AUTS2: variants seen among roughly 807,000 people sequenced by gnomAD.
AUTS2 encodes autism susceptibility gene 2 protein.
A neutral mutation model predicts 112.4 loss-of-function variants in AUTS2; 17 were observed. The ratio of observed to expected loss-of-function variants is 0.15; its 90% confidence interval spans 0.10 to 0.23. AUTS2 has a LOEUF of 0.23. Among genes scored for constraint, AUTS2 ranks in the 10% least tolerant of loss-of-function variants. The probability of loss-of-function intolerance (pLI) is 1.00; values close to 1 mark genes in which losing one functional copy is unlikely to be tolerated. For missense variants in AUTS2, 1,510 were observed against 1,701.6 expected, an observed-to-expected ratio of 0.89 and a Z score of 1.98; for synonymous variants, 751 against 702.7, an observed-to-expected ratio of 1.07 and a Z score of -1.09.
chr7:70,070,681 A>C (rs912928262), intron 2 of AUTS2, among the ~76,000 whole-genome samples: 1 of 152,136 alleles, frequency 6.6e-6, no homozygotes, highest in South Asian at 2.1e-4. Context: ...CATGGCTAAC[A>C]CGGTGAAACC....
rs113718011 is a variant in AUTS2, at chr7:70,524,436, A to C, written c.690+88655A>C. Among the ~76,000 whole-genome samples, 79 of 152,344 alleles carry C rather than the reference A, an allele frequency of 5.2e-4. 2 individuals carry two copies. The highest frequency in any genetic ancestry group is 1.8e-3 in the African/African-American group (75 of 41,586). On this transcript the variant is annotated intron_variant, in intron 5 of 18. Coordinates refer to ENST00000342771, the MANE Select transcript of AUTS2 (RefSeq NM_015570.4). ...CTTAGAATCCAGGGGCCTCATCCAC[A>C]TTGATAAATATTTATCTTGTTCTAA... is the stretch of plus-strand genomic sequence containing the variant.
In AUTS2 at chr7:70,376,604, G is replaced by T. The variant is rs1338768234; in HGVS notation, c.661-59148G>T. On this transcript the variant is annotated intron_variant, in intron 4 of 18. Transcript: ENST00000342771. ...CTTCTGGTCACTGGCCGTCTCAGGA[G>T]CTAGTCCCTGGAGCCCTGCTCTCCT... Among the ~76,000 whole-genome samples, 2 of 151,540 alleles carry T rather than the reference G, an allele frequency of 1.3e-5. 1 individual carries two copies. Among genetic ancestry groups the T allele is most frequent in the African/African-American group, 4.9e-5 (2 of 41,192 alleles).
intron 6 of AUTS2, among the ~76,000 whole-genome samples, chr7:70,731,420 CTTTTTTTTTTTTTT>C (rs56244002): frequency 8.6e-5 from 6 of 69,480 alleles, no homozygotes; most frequent in African/African-American, 2.6e-4. Flanking sequence ...TTACCCAGAT[CTTTTTTTTTTTTTT>C]TTTTTTTTTT....
intron 1 of AUTS2, among the ~76,000 whole-genome samples, chr7:69,739,452 G>A (rs540315437): frequency 2.4e-4 from 37 of 152,188 alleles, no homozygotes; most frequent in African/African-American, 8.4e-4. Flanking sequence ...GGGATTTAAG[G>A]GCATGACTGG....
At chr7:70,749,363 G>C (rs1012355968) in intron 6 of AUTS2, among the ~76,000 whole-genome samples, 1 of 152,112 alleles carries the variant, frequency 6.6e-6, no homozygotes. Context: ...GGCACGGGGA[G>C]GGGGGTCCGC....
chr7:70,766,247 C>CCACCAGCACACG lies in AUTS2; in HGVS notation c.1614_1625dup (p.His539_Thr542dup). 2 of 1,614,028 alleles carry CCACCAGCACACG rather than the reference C, an allele frequency of 1.2e-6. No individual in the cohort carries two copies. Among genetic ancestry groups the CCACCAGCACACG allele is most frequent in the Non-Finnish European group, 8.5e-7 (1 of 1,179,984 alleles). ...AGCACCAGCACCAGCACCAGCACAC[C>CCACCAGCACACG]CACCAGCACACGCACCAGCACACCT... is the stretch of plus-strand genomic sequence containing the variant. On this transcript the variant is annotated inframe_insertion, in exon 9 of 19. Transcript: ENST00000342771. The surrounding 1 kb of genome is among the most constrained non-coding windows in gnomAD (Gnocchi z 4.8).
intron 5 of AUTS2, among the ~76,000 whole-genome samples, chr7:70,589,430 A>C (rs374463535): frequency 4.2e-4 from 64 of 152,288 alleles, no homozygotes; most frequent in African/African-American, 1.4e-3. Context: ...AAGTGGGGTT[A>C]TGGCCAGGTG....
At chr7:70,789,185 C>T (rs989727653) in intron 18 of AUTS2, among the ~76,000 whole-genome samples, 1 of 152,188 alleles carries the variant, frequency 6.6e-6, no homozygotes, top group Non-Finnish European at 1.5e-5. Context: ...CGTGCTGTGT[C>T]TTGGAGATGG....
At chr7:69,773,335 G>A (rs866495447) in intron 1 of AUTS2, among the ~76,000 whole-genome samples, 3 of 151,894 alleles carry the variant, frequency 2.0e-5, no homozygotes, top group Non-Finnish European at 2.9e-5. Context: ...CCTGGCCAAC[G>A]TGGCGAAACA....
intron 1 of AUTS2, among the ~76,000 whole-genome samples, chr7:69,879,255 C>T (rs1793934580): frequency 6.6e-6 from 1 of 152,018 alleles, no homozygotes; most frequent in Non-Finnish European, 1.5e-5. Flanking sequence ...GTCATCCTCC[C>T]ACTTCATCAT....
chr7:69,620,244 G>T (rs888982423), intron 1 of AUTS2, among the ~76,000 whole-genome samples: 4 of 152,186 alleles, frequency 2.6e-5, no homozygotes, highest in African/African-American at 9.6e-5. Context: ...GGCGGAAAAC[G>T]AAAGTTTATT....
chr7:70,046,610 G>A (rs972929367), intron 2 of AUTS2, among the ~76,000 whole-genome samples: 1 of 152,128 alleles, frequency 6.6e-6, no homozygotes, highest in African/African-American at 2.4e-5. Context: ...AAGTAAATGA[G>A]CAAAGAAGGG....
At chr7:70,223,776 T>C (rs922105525) in intron 4 of AUTS2, among the ~76,000 whole-genome samples, 3 of 151,962 alleles carry the variant, frequency 2.0e-5, no homozygotes, top group Non-Finnish European at 4.4e-5. Context: ...TGTGACAAGA[T>C]GTGCAGCTGG....
intron 2 of AUTS2, among the ~76,000 whole-genome samples, chr7:70,096,480 C>A (rs1562688869): frequency 6.6e-6 from 1 of 151,340 alleles, no homozygotes; most frequent in African/African-American, 2.4e-5. Flanking sequence ...CGCCTGTAAT[C>A]CCAGCTAACT....
At chr7:70,399,288 C>T (rs1585100209) in intron 4 of AUTS2, among the ~76,000 whole-genome samples, 1 of 152,092 alleles carries the variant, frequency 6.6e-6, no homozygotes, top group Non-Finnish European at 1.5e-5. Context: ...CCACACCCAG[C>T]CAGGTCTTCC....
At chr7:70,779,317 C>A (rs1266329172) in intron 14 of AUTS2, among the ~76,000 whole-genome samples, 1 of 152,172 alleles carries the variant, frequency 6.6e-6, no homozygotes, top group Non-Finnish European at 1.5e-5. Flanking sequence ...TTCTTTTAGT[C>A]GTTCACCCAG....
intron 1 of AUTS2, among the ~76,000 whole-genome samples, chr7:69,818,001 A>G (rs1790835558): frequency 6.6e-6 from 1 of 152,104 alleles, no homozygotes; most frequent in East Asian, 1.9e-4. Context: ...TTTGTTTGTG[A>G]GCTGTTTGCC....
chr7:69,995,799 C>T (rs1362517249), intron 2 of AUTS2, among the ~76,000 whole-genome samples: 2 of 152,054 alleles, frequency 1.3e-5, no homozygotes, highest in African/African-American at 4.8e-5. Context: ...TGCTTGACAC[C>T]CCAAAATCTA....
At chr7:70,743,484 A>C (rs1453146091) in intron 6 of AUTS2, among the ~76,000 whole-genome samples, 2 of 151,730 alleles carry the variant, frequency 1.3e-5, no homozygotes, top group Non-Finnish European at 2.9e-5. Flanking sequence ...AAAAAAAAAA[A>C]AAAAAAAAAC....
Sources: allele counts gnomAD v4.1 joint callset (sites outside exome capture counted in the v4.1 genomes callset), GRCh38; gene constraint gnomAD v4.1.1; non-coding constraint Gnocchi (gnomAD v3.1); transcripts MANE v1.5; gene names NCBI Gene and HGNC (gene_info 2026-07-23, HGNC 2026-07-21).